The following THSD7A variants were observed in gnomAD, a reference collection of about 807,000 sequenced individuals.
The protein encoded by THSD7A is thrombospondin type 1 domain containing 7A.
In THSD7A, 96 loss-of-function variants were observed where a neutral mutation model predicts 231.3. The ratio of observed to expected loss-of-function variants is 0.41; its 90% confidence interval spans 0.35 to 0.49. THSD7A has a LOEUF of 0.49. Among genes scored for constraint, THSD7A ranks in the 20% least tolerant of loss-of-function variants. The pLI is 0.05. For missense variants in THSD7A, 2,290 were observed against 2,070.2 expected (o/e 1.11, Z -2.06); for synonymous variants, 940 against 743.3 (o/e 1.26, Z -4.30).
At chr7:11,658,417 A>C (rs1197161024) in intron 1 of THSD7A, among the ~76,000 whole-genome samples, 1 of 151,718 alleles carries the variant, frequency 6.6e-6, no homozygotes, top group Non-Finnish European at 1.5e-5. Context: ...TGGAATACAA[A>C]TTATTTCCTC....
chr7:11,387,809 AGTTATTGCC>A (rs1782818373), intron 23 of THSD7A, among the ~76,000 whole-genome samples: 1 of 152,138 alleles, frequency 6.6e-6, no homozygotes. Flanking sequence ...GAATTCTTCC[AGTTATTGCC>A]CATTCAGTAT....
chr7:11,409,401 C>T (rs1783703547), intron 19 of THSD7A, among the ~76,000 whole-genome samples: 1 of 152,120 alleles, frequency 6.6e-6, no homozygotes, highest in South Asian at 2.1e-4. Context: ...CTAGGAGTCC[C>T]TAATTGCCAT....
intron 1 of THSD7A, among the ~76,000 whole-genome samples, chr7:11,704,909 T>C (rs1397478818): frequency 6.6e-6 from 1 of 151,100 alleles, no homozygotes; most frequent in Non-Finnish European, 1.5e-5. Context: ...TCATTTAAAC[T>C]AGGTCTCCAA....
intron 1 of THSD7A, among the ~76,000 whole-genome samples, chr7:11,739,888 G>C (rs1286277364): frequency 6.6e-6 from 1 of 151,976 alleles, no homozygotes; most frequent in African/African-American, 2.4e-5. Flanking sequence ...GAAAAGGTAG[G>C]TGAGGCAGAG....
intron 6 of THSD7A, among the ~76,000 whole-genome samples, chr7:11,529,174 G>C (rs1472802231): frequency 6.6e-6 from 1 of 152,016 alleles, no homozygotes; most frequent in Non-Finnish European, 1.5e-5. Flanking sequence ...ACATAATCTT[G>C]TTCTATTCAA....
intron 1 of THSD7A, among the ~76,000 whole-genome samples, chr7:11,776,306 C>T (rs1021348139): frequency 6.6e-6 from 1 of 152,130 alleles, no homozygotes; most frequent in Non-Finnish European, 1.5e-5. Context: ...AATTTTGCCC[C>T]AGAGACTGCA....
At chr7:11,511,675 C>A (rs1388090918) in intron 6 of THSD7A, among the ~76,000 whole-genome samples, 2 of 152,096 alleles carry the variant, frequency 1.3e-5, no homozygotes, top group Non-Finnish European at 2.9e-5. Flanking sequence ...GAAAAACAAG[C>A]AATGGGGAAA....
intron 6 of THSD7A, among the ~76,000 whole-genome samples, chr7:11,500,684 A>T (rs1583857374): frequency 6.6e-6 from 1 of 152,136 alleles, no homozygotes; most frequent in Non-Finnish European, 1.5e-5. Flanking sequence ...TCACATCTGT[A>T]ATCCCAGCAC....
At chr7:11,820,808 G>A (rs1784852330) in intron 1 of THSD7A, 42 of 1,016,362 alleles carry the variant, frequency 4.1e-5, no homozygotes, top group South Asian at 1.4e-4. Context: ...CGTGCCTCTC[G>A]CTCTCCGGTG....
chr7:11,487,648 A>C (rs1786714114), intron 6 of THSD7A, among the ~76,000 whole-genome samples: 1 of 152,136 alleles, frequency 6.6e-6, no homozygotes, highest in African/African-American at 2.4e-5. Context: ...CCTCACAATC[A>C]TGGTAGAAGA....
rs142533432 is a variant in THSD7A at position 11,767,241 on chromosome 7, C to T, written c.190+64516G>A. ...ATCAGAACATATTATTCCTCTGCCC[C>T]AAACCTTGTACCAGAATCCCATTTT... is the stretch of plus-strand genomic sequence containing the variant. On this transcript the variant is annotated intron_variant, in intron 1 of 27. Transcript: ENST00000423059. Among the ~76,000 whole-genome samples the T allele has an allele frequency of 7.9e-3, 1,201 of 152,250 alleles. 2 individuals carry two copies. The highest frequency in any genetic ancestry group is 0.014 in the Non-Finnish European group (953 of 67,998).
In THSD7A at chr7:11,393,997, A is replaced by T. The variant is rs183310836; in HGVS notation, c.4411+7798T>A. Among the ~76,000 whole-genome samples, 372 of 152,234 alleles carry T rather than the reference A, an allele frequency of 2.4e-3. 2 individuals carry two copies. Among genetic ancestry groups the T allele is most frequent in the African/African-American group, 8.5e-3 (355 of 41,564 alleles). On this transcript the variant is annotated intron_variant, in intron 23 of 27. Transcript: ENST00000423059. ...CCTAGCAAGACAGGCCAACATTCAA[A>T]TTCAGGAAATACAGAGAACACCACA...
intron 9 of THSD7A, among the ~76,000 whole-genome samples, chr7:11,463,274 C>A (rs894555184): frequency 6.6e-6 from 1 of 152,100 alleles, no homozygotes; most frequent in African/African-American, 2.4e-5. Context: ...TTCTTCAACA[C>A]GGTCTGGGCA....
intron 2 of THSD7A, among the ~76,000 whole-genome samples, chr7:11,619,371 T>A (rs1430494430): frequency 6.6e-6 from 1 of 151,356 alleles, no homozygotes; most frequent in Non-Finnish European, 1.5e-5. Context: ...AATAGCCACA[T>A]GAATAAACAG....
Position 11,372,830 on chromosome 7 carries a change from ACT to A in THSD7A, c.*2962_*2963del, listed in dbSNP as rs558384594. The A allele has an allele frequency of 7.7e-4, 117 of 152,152 alleles. No homozygotes were observed. The highest frequency in any genetic ancestry group is 2.6e-3 in the African/African-American group (109 of 41,542). 9.4% of individuals were successfully genotyped at this position (152,152 alleles called of 1,614,324 possible). On this transcript the variant is annotated 3_prime_UTR_variant, in exon 28 of 28. Coordinates refer to ENST00000423059, the MANE Select transcript of THSD7A (RefSeq NM_015204.3). Reference sequence around the variant, plus strand: ...TGATGAAATTCCAATAAAATATTTAACTCATTATTGTCTCATGTCAGAAACAA... The same window carrying A: ...TGATGAAATTCCAATAAAATATTTAACATTATTGTCTCATGTCAGAAACAA...
At chr7:11,795,682 G>C (rs753357952) in intron 1 of THSD7A, among the ~76,000 whole-genome samples, 2 of 151,802 alleles carry the variant, frequency 1.3e-5, no homozygotes, top group Non-Finnish European at 2.9e-5. Flanking sequence ...ATATGTCAGA[G>C]GGTTCTCTGC....
chr7:11,797,387 T>G (rs1247022310), intron 1 of THSD7A, among the ~76,000 whole-genome samples: 1 of 151,088 alleles, frequency 6.6e-6, no homozygotes, highest in Non-Finnish European at 1.5e-5. Flanking sequence ...CCTTCCTGCC[T>G]TCTTTGCTTT....
chr7:11,801,413 A>T (rs1784272456), intron 1 of THSD7A, among the ~76,000 whole-genome samples: 1 of 152,162 alleles, frequency 6.6e-6, no homozygotes, highest in African/African-American at 2.4e-5. Flanking sequence ...CTGACAAAGC[A>T]TGTGCGAAGT....
intron 1 of THSD7A, among the ~76,000 whole-genome samples, chr7:11,687,727 C>CTA (rs2128141035): frequency 6.6e-6 from 1 of 151,938 alleles, no homozygotes; most frequent in Non-Finnish European, 1.5e-5. Context: ...TATTCATATC[C>CTA]TATAGTTGGT....
Sources: allele counts gnomAD v4.1 joint callset (sites outside exome capture counted in the v4.1 genomes callset), GRCh38; gene constraint gnomAD v4.1.1; transcripts MANE v1.5; gene names NCBI Gene and HGNC (gene_info 2026-07-23, HGNC 2026-07-21).